Variants in ROR1 observed in about 807,000 individuals in gnomAD.
ROR1 encodes the protein ROR family WNT receptor 1, also known as inactive tyrosine-protein kinase transmembrane receptor ROR1.
ROR1 carries 19 observed loss-of-function variants against 78.8 expected under a neutral mutation model. The observed-to-expected ratio is 0.24, with a 90% CI of 0.17 to 0.35. The LOEUF is 0.35. Among genes scored for constraint, ROR1 ranks in the 10% least tolerant of loss-of-function variants. The pLI is 1.00. For synonymous variants in ROR1, 386 were observed against 433.6 expected (o/e 0.89, Z 1.36); for missense variants, 917 against 1,177.8 (o/e 0.78, Z 3.24).
intron 1 of ROR1, among the ~76,000 whole-genome samples, chr1:63,881,588 C>T (rs7521098): frequency 0.037 from 5,635 of 152,208 alleles, 335 homozygotes; most frequent in African/African-American, 0.12. Flanking sequence ...AAGACTACCT[C>T]TTGCCACTAC....
intron 7 of ROR1, among the ~76,000 whole-genome samples, chr1:64,150,183 A>G (rs754070077): frequency 7.9e-5 from 12 of 152,094 alleles, no homozygotes; most frequent in Non-Finnish European, 1.6e-4. Flanking sequence ...TTCTCCCTCT[A>G]CCAAATAAAA....
At chr1:64,027,787 A>G (rs957370328) in intron 2 of ROR1, among the ~76,000 whole-genome samples, 39 of 151,838 alleles carry the variant, frequency 2.6e-4, no homozygotes, top group African/African-American at 8.2e-4. Context: ...TCCCAGGTTC[A>G]AGTGATTCTC....
intron 1 of ROR1, among the ~76,000 whole-genome samples, chr1:63,966,624 A>G (rs917322925): frequency 5.3e-5 from 8 of 152,230 alleles, no homozygotes; most frequent in African/African-American, 1.9e-4. Flanking sequence ...CAGGCTGTTA[A>G]GTACAGTTCT....
rs1645247729 is a variant in ROR1 at position 63,871,031 on chromosome 1, G to A, written c.91+96523G>A. Among the ~76,000 whole-genome samples, 3 of 152,172 alleles carry A rather than the reference G, an allele frequency of 2.0e-5. No homozygotes were observed. The South Asian group carries it at 6.2e-4, about 31-fold the overall frequency. On this transcript the variant is annotated intron_variant, in intron 1 of 8. Transcript: ENST00000371079. ...TGCCCACCTCACTTGGTTGTGGTCG[G>A]TATTAAACTGGATAATGCAAATAAT...
At chr1:63,836,300 G>C (rs1277890015) in intron 1 of ROR1, among the ~76,000 whole-genome samples, 2 of 152,134 alleles carry the variant, frequency 1.3e-5, no homozygotes, top group African/African-American at 4.8e-5. Context: ...AGACTTTGTA[G>C]AAAAAAGCAC....
intron 1 of ROR1, among the ~76,000 whole-genome samples, chr1:63,957,317 G>A (rs1038015638): frequency 1.4e-4 from 21 of 152,168 alleles, no homozygotes; most frequent in African/African-American, 5.1e-4. Context: ...TGTCCCCCGA[G>A]GAATTCCTAG....
intron 1 of ROR1, among the ~76,000 whole-genome samples, chr1:63,801,800 G>T (rs1644798861): frequency 2.0e-5 from 3 of 152,294 alleles, no homozygotes; most frequent in African/African-American, 7.2e-5. Context: ...TAACTGCCTA[G>T]CTGTACATTC....
At chr1:64,096,046 A>T (rs552884545) in intron 4 of ROR1, among the ~76,000 whole-genome samples, 1 of 152,258 alleles carries the variant, frequency 6.6e-6, no homozygotes, top group Admixed American at 6.5e-5. Context: ...TAAAATAAAT[A>T]AATAATGTGA....
At chr1:63,912,085 G>T (rs1484279040) in intron 1 of ROR1, among the ~76,000 whole-genome samples, 1 of 145,334 alleles carries the variant, frequency 6.9e-6, no homozygotes, top group Non-Finnish European at 1.5e-5. Flanking sequence ...CCAGAAGTTT[G>T]AGACCAACCT....
intron 4 of ROR1, among the ~76,000 whole-genome samples, chr1:64,095,528 A>G (rs1455259816): frequency 6.6e-6 from 1 of 152,172 alleles, no homozygotes; most frequent in Non-Finnish European, 1.5e-5. Flanking sequence ...GAAGGGAATG[A>G]CCAGGAAAGT....
intron 1 of ROR1, among the ~76,000 whole-genome samples, chr1:63,829,183 G>A (rs1210170472): frequency 2.6e-5 from 4 of 152,176 alleles, no homozygotes; most frequent in Non-Finnish European, 5.9e-5. Context: ...TTGCTCCCTT[G>A]GATCCTTTGT....
intron 1 of ROR1, among the ~76,000 whole-genome samples, chr1:63,846,850 A>T (rs1336392629): frequency 6.6e-6 from 1 of 152,190 alleles, no homozygotes; most frequent in Non-Finnish European, 1.5e-5. Context: ...AACACTCCTA[A>T]TGCGGCACAG....
chr1:64,060,101 TTC>T (rs1033293179), intron 4 of ROR1, among the ~76,000 whole-genome samples: 1 of 152,224 alleles, frequency 6.6e-6, no homozygotes, highest in Non-Finnish European at 1.5e-5. Flanking sequence ...AATTTAAGTT[TTC>T]TTTCTTTCTT....
intron 1 of ROR1, among the ~76,000 whole-genome samples, chr1:63,967,629 A>G (rs1646085876): frequency 6.6e-6 from 1 of 152,204 alleles, no homozygotes; most frequent in East Asian, 1.9e-4. Flanking sequence ...GGCATTTAGA[A>G]GATGTTCCGT....
chr1:63,942,323 T>C (rs1645847442), intron 1 of ROR1, among the ~76,000 whole-genome samples: 1 of 152,196 alleles, frequency 6.6e-6, no homozygotes, highest in Non-Finnish European at 1.5e-5. Flanking sequence ...CTCCTTCTCC[T>C]TTGTCTTTTT....
At chr1:63,808,841 G>T (rs899199881) in intron 1 of ROR1, among the ~76,000 whole-genome samples, 1 of 145,540 alleles carries the variant, frequency 6.9e-6, no homozygotes, top group Non-Finnish European at 1.5e-5. Flanking sequence ...TTTCATTTAT[G>T]TTTTTTTTTT....
chr1:64,042,329 C>A (rs975847666), intron 2 of ROR1, among the ~76,000 whole-genome samples: 1 of 152,080 alleles, frequency 6.6e-6, no homozygotes, highest in Admixed American at 6.6e-5. Context: ...ATCCTTTAAC[C>A]CCCACAACAT....
At chr1:64,021,339 T>C (rs1431242704) in intron 2 of ROR1, among the ~76,000 whole-genome samples, 1 of 152,174 alleles carries the variant, frequency 6.6e-6, no homozygotes, top group Non-Finnish European at 1.5e-5. Flanking sequence ...ATAGTTACAT[T>C]CACTTATACA....
chr1:63,787,483 TGCC>T (rs1431035168), intron 1 of ROR1, among the ~76,000 whole-genome samples: 71 of 116,402 alleles, frequency 6.1e-4, no homozygotes, highest in African/African-American at 2.5e-3. Flanking sequence ...CCTTCCTTCC[TGCC>T]TTCCTGCCTT....
Sources: allele counts gnomAD v4.1 joint callset (sites outside exome capture counted in the v4.1 genomes callset), GRCh38; gene constraint gnomAD v4.1.1; transcripts MANE v1.5; gene names NCBI Gene and HGNC (gene_info 2026-07-23, HGNC 2026-07-21).